HSPA2: variants seen among roughly 807,000 people sequenced by gnomAD.
The protein encoded by HSPA2 is heat shock protein family A (Hsp70) member 2.
In HSPA2, 13 loss-of-function variants were observed where a neutral mutation model predicts 35.0. The observed-to-expected ratio is 0.37, with a 90% confidence interval of 0.24 to 0.59. The LOEUF is 0.59. Among genes scored for constraint, HSPA2 ranks in the 20% least tolerant of loss-of-function variants. The pLI is 0.70. For missense variants in HSPA2, 565 were observed against 885.4 expected, an observed-to-expected ratio of 0.64 and a Z score of 4.59; for synonymous variants, 368 against 382.1, an observed-to-expected ratio of 0.96 and a Z score of 0.43.
In HSPA2 at chr14:64,540,879, C is replaced by T. The variant is rs1056295104; in HGVS notation, c.30C>T (p.Ile10=). The stretch of plus-strand genomic sequence containing the variant: ...CTGCCCGTGGCCCGGCTATCGGCAT[C>T]GACCTGGGCACCACCTATTCGTGCG... MSARGPAIG[I]DLGTTYSCVG... Residue 10 remains isoleucine, a synonymous_variant, in exon 1 of 1, where the codon ATC becomes ATT. Transcript: ENST00000247207. 3 of 1,614,146 alleles carry T rather than the reference C, an allele frequency of 1.9e-6. No individual in the cohort carries two copies. Among genetic ancestry groups the T allele is most frequent in the Non-Finnish European group, 2.5e-6 (3 of 1,180,042 alleles).
Position 64,542,671 on chromosome 14 carries a change from CCCA to C in HSPA2, c.1823_1825del (p.Pro608_Ile609delinsLeu). ...GAAAGAGCTCGAAAGAGTTTGCAAC[CCCA>C]TCATCAGCAAACTTTACCAAGGTGG... On this transcript the variant is annotated inframe_deletion, in exon 1 of 1. Coordinates refer to ENST00000247207, the MANE Select transcript of HSPA2 (RefSeq NM_021979.4). This position sits in a 1 kb window ranked among gnomAD's most constrained non-coding sequence, Gnocchi z 5.7. 1 of 1,613,932 alleles carries C rather than the reference CCCA, an allele frequency of 6.2e-7. No homozygotes were observed. Among genetic ancestry groups the C allele is most frequent in the Non-Finnish European group, 8.5e-7 (1 of 1,180,006 alleles).
rs17853551 is a variant in HSPA2 at position 64,542,439 on chromosome 14, G to T, written c.1590G>T (p.Ser530=). Residue 530 remains serine, a synonymous_variant, in exon 1 of 1, where the codon TCG becomes TCT. Transcript: ENST00000247207. The surrounding 1 kb of genome is among the most constrained non-coding windows in gnomAD (Gnocchi z 5.7). Reference sequence around the variant, plus strand: ...TGCAGGAGGCGGAGCGGTACAAATCGGAAGATGAGGCGAATCGCGACCGAG... The same window carrying T: ...TGCAGGAGGCGGAGCGGTACAAATCTGAAGATGAGGCGAATCGCGACCGAG... ...RMVQEAERYK[S]EDEANRDRVA... is the part of the protein sequence containing the mutation. 2 of 1,613,878 alleles carry T rather than the reference G, an allele frequency of 1.2e-6. No homozygotes were observed. Among genetic ancestry groups the T allele is most frequent in the Non-Finnish European group, 1.7e-6 (2 of 1,180,002 alleles).
chr14:64,536,513 C>A (rs914438513), upstream of HSPA2, among the ~76,000 whole-genome samples: 2 of 152,148 alleles, frequency 1.3e-5, no homozygotes, highest in African/African-American at 4.8e-5. Flanking sequence ...GTAATCCCAG[C>A]ACTTTGGGAG....
upstream of HSPA2, among the ~76,000 whole-genome samples, chr14:64,539,100 C>G (rs1201019500): frequency 6.6e-6 from 1 of 152,238 alleles, no homozygotes; most frequent in Non-Finnish European, 1.5e-5. Flanking sequence ...GCCTCCACAC[C>G]CGTCCAGGAG....
chr14:64,542,364 C>T lies in HSPA2; in HGVS notation c.1515C>T (p.Thr505=). 6.2e-7 allele frequency: 1 copy of T among 1,613,910 alleles called. No homozygotes were observed. Among genetic ancestry groups the T allele is most frequent in the Non-Finnish European group, 8.5e-7 (1 of 1,179,978 alleles). ...DKSTGKENKI[T]ITNDKGRLSK... ...GCACCGGTAAGGAAAACAAAATCAC[C>T]ATCACCAATGACAAAGGTCGTCTGA... is the stretch of plus-strand genomic sequence containing the variant. Residue 505 remains threonine, a synonymous_variant, in exon 1 of 1, where the codon ACC becomes ACT. Transcript: ENST00000247207. This position sits in a 1 kb window ranked among gnomAD's most constrained non-coding sequence, Gnocchi z 5.7.
chr14:64,537,775 T>C (rs1181423081), upstream of HSPA2, among the ~76,000 whole-genome samples: 3 of 139,522 alleles, frequency 2.2e-5, no homozygotes, highest in Admixed American at 2.4e-4. Flanking sequence ...TCGCCCAGGC[T>C]GGAGTGCAGT....
In HSPA2 at chr14:64,541,864, C is replaced by T. The variant is rs760762597; in HGVS notation, c.1015C>T (p.Leu339=). ...LDKGQIQEIV[L]VGGSTRIPKI... ...CAAGGGCCAGATCCAGGAGATCGTGCTGGTGGGCGGCTCCACTCGTATCCC... is the reference window on the plus strand; with the variant it reads ...CAAGGGCCAGATCCAGGAGATCGTGTTGGTGGGCGGCTCCACTCGTATCCC... Residue 339 remains leucine, a synonymous_variant, in exon 1 of 1, where the codon CTG becomes TTG. Coordinates refer to ENST00000247207, the MANE Select transcript of HSPA2 (RefSeq NM_021979.4). 3 of 1,613,632 alleles carry T rather than the reference C, an allele frequency of 1.9e-6. No homozygotes were observed. Among genetic ancestry groups the T allele is most frequent in the Non-Finnish European group, 2.5e-6 (3 of 1,180,042 alleles).
At position 64,542,038 on chromosome 14, in the gene HSPA2, C is replaced by A. The variant is rs1421782182; in HGVS notation, c.1189C>A (p.Leu397Ile). 6.2e-7 allele frequency: 1 copy of A among 1,613,668 alleles called. No individual in the cohort carries two copies. Among genetic ancestry groups the A allele is most frequent in the Non-Finnish European group, 8.5e-7 (1 of 1,180,016 alleles). Residue 397 changes from leucine to isoleucine, a missense_variant, in exon 1 of 1, where the codon CTC becomes ATC. Transcript: ENST00000247207. The surrounding 1 kb of genome is among the most constrained non-coding windows in gnomAD (Gnocchi z 5.7). ...KSENVQDLLL[L>I]DVTPLSLGIE... ...AGAGAATGTGCAGGACCTGCTGCTA[C>A]TCGACGTGACCCCGTTGTCGCTGGG...
upstream of HSPA2, chr14:64,535,960 C>G (rs2079978651): frequency 6.5e-6 from 1 of 153,296 alleles, no homozygotes; most frequent in South Asian, 1.9e-4. Context: ...TGAGGCCTCC[C>G]CAGCCATATG....
At chr14:64,537,210 G>A (rs528138335), upstream of HSPA2, among the ~76,000 whole-genome samples, 1 of 151,890 alleles carries the variant, frequency 6.6e-6, no homozygotes, top group Admixed American at 6.6e-5. Context: ...AATATGCATT[G>A]CTTCCAGCCC....
upstream of HSPA2, among the ~76,000 whole-genome samples, chr14:64,539,421 C>T (rs927523648): frequency 8.5e-5 from 13 of 152,052 alleles, no homozygotes; most frequent in Non-Finnish European, 1.9e-4. Context: ...GTTTTCCAGT[C>T]AAAAACTCAA....
At position 64,542,103 on chromosome 14, in the gene HSPA2, G is replaced by A. The variant is rs1203849049; in HGVS notation, c.1254G>A (p.Lys418=). ...GCGGTGTCATGACCCCACTCATCAA[G>A]AGGAACACCACGATCCCCACCAAGC... ...TAGGVMTPLI[K]RNTTIPTKQT... Residue 418 remains lysine, a synonymous_variant, in exon 1 of 1, where the codon AAG becomes AAA. Transcript: ENST00000247207. The surrounding 1 kb of genome is among the most constrained non-coding windows in gnomAD (Gnocchi z 5.7). 6.2e-7 allele frequency: 1 copy of A among 1,613,560 alleles called. No homozygotes were observed.
chr14:64,540,620 C>T, upstream of HSPA2: 3 of 642,304 alleles, frequency 4.7e-6, no homozygotes, highest in South Asian at 2.0e-5. Context: ...GGGCCAGTCA[C>T]TCCGACCTAG....
chr14:64,542,058 G>T lies in HSPA2; in HGVS notation c.1209G>T (p.Ser403=), dbSNP rs752280091. The part of the protein sequence containing the change: ...DLLLLDVTPL[S]LGIETAGGVM... ...TGCTACTCGACGTGACCCCGTTGTCGCTGGGCATCGAGACAGCTGGCGGTG... is the reference window on the plus strand; with the variant it reads ...TGCTACTCGACGTGACCCCGTTGTCTCTGGGCATCGAGACAGCTGGCGGTG... Residue 403 remains serine (S), a synonymous_variant, in exon 1 of 1, where the codon TCG becomes TCT. Transcript: ENST00000247207. The surrounding 1 kb of genome is among the most constrained non-coding windows in gnomAD (Gnocchi z 5.7). 1.9e-6 allele frequency: 3 copies of T among 1,613,548 alleles called. No individual in the cohort carries two copies. Among genetic ancestry groups the T allele is most frequent in the South Asian group, 2.2e-5 (2 of 91,090 alleles).
rs772430024 is a variant in HSPA2, at chr14:64,542,079, C to A, written c.1230C>A (p.Gly410=). The stretch of plus-strand genomic sequence containing the variant: ...TGTCGCTGGGCATCGAGACAGCTGG[C>A]GGTGTCATGACCCCACTCATCAAGA... The part of the protein sequence containing the change: ...TPLSLGIETA[G]GVMTPLIKRN... Residue 410 remains glycine (G), a synonymous_variant, in exon 1 of 1, where the codon GGC becomes GGA. Transcript: ENST00000247207. This position sits in a 1 kb window ranked among gnomAD's most constrained non-coding sequence, Gnocchi z 5.7. 1.2e-6 allele frequency: 2 copies of A among 1,613,590 alleles called. No individual in the cohort carries two copies.
At position 64,540,984 on chromosome 14, in the gene HSPA2, C is replaced by T; in HGVS notation, c.135C>T (p.Phe45=). ...GNRTTPSYVA[F]TDTERLIGDA... is the part of the protein sequence containing the mutation. The stretch of plus-strand genomic sequence containing the variant: ...GCACCACCCCCAGCTACGTGGCCTT[C>T]ACGGACACCGAGCGCCTCATCGGCG... Residue 45 remains phenylalanine, a synonymous_variant, in exon 1 of 1, where the codon TTC becomes TTT. Transcript: ENST00000247207. 1 of 1,614,212 alleles carries T rather than the reference C, an allele frequency of 6.2e-7. No individual in the cohort carries two copies. The highest frequency in any genetic ancestry group is 1.3e-5 in the African/African-American group (1 of 75,068).
chr14:64,542,221 C>T lies in HSPA2; in HGVS notation c.1372C>T (p.Leu458=), dbSNP rs2080039273. 6.2e-7 allele frequency: 1 copy of T among 1,613,914 alleles called. No homozygotes were observed. Among genetic ancestry groups the T allele is most frequent in the Non-Finnish European group, 8.5e-7 (1 of 1,179,968 alleles). ...GERAMTKDNN[L]LGKFDLTGIP... is the part of the protein sequence containing the mutation. ...ACGGGCCATGACCAAGGACAATAAC[C>T]TGCTGGGCAAGTTCGACCTGACCGG... The change falls in exon 1 of 1, where the codon CTG becomes TTG. Residue 458 remains leucine, a synonymous_variant. Transcript: ENST00000247207. The surrounding 1 kb of genome is among the most constrained non-coding windows in gnomAD (Gnocchi z 5.7).
rs2080045632 is a variant in HSPA2 at position 64,543,108 on chromosome 14, C to G, written c.*339C>G. On this transcript the variant is annotated 3_prime_UTR_variant, in exon 1 of 1. Coordinates refer to ENST00000247207, the MANE Select transcript of HSPA2 (RefSeq NM_021979.4). ...TTGGAAACAGTAAAATATATAGGAG[C>G]TTAAATTGTTTATTTTTATGTACTA... The G allele has an allele frequency of 3.0e-6, 1 of 335,102 alleles. No individual in the cohort carries two copies. Among genetic ancestry groups the G allele is most frequent in the Non-Finnish European group, 5.7e-6 (1 of 175,250 alleles). 20.8% of individuals were successfully genotyped at this position (335,102 alleles called of 1,614,324 possible). A position where few individuals can be genotyped will look rare whatever the true frequency, so the allele number is the denominator to read the frequency against.
rs965913186 is a variant in HSPA2, at chr14:64,541,212, C to T, written c.363C>T (p.Ser121=). 2 of 1,613,984 alleles carry T rather than the reference C, an allele frequency of 1.2e-6. No individual in the cohort carries two copies. Among genetic ancestry groups the T allele is most frequent in the African/African-American group, 1.3e-5 (1 of 74,918 alleles). ...AGACCTTCTTCCCAGAGGAGATATCCTCCATGGTCCTCACGAAGATGAAGG... is the reference window on the plus strand; with the variant it reads ...AGACCTTCTTCCCAGAGGAGATATCTTCCATGGTCCTCACGAAGATGAAGG... The part of the protein sequence containing the change: ...ETKTFFPEEI[S]SMVLTKMKEI... Residue 121 remains serine (S), a synonymous_variant, in exon 1 of 1, where the codon TCC becomes TCT. Coordinates refer to ENST00000247207, the MANE Select transcript of HSPA2 (RefSeq NM_021979.4).
Sources: allele counts gnomAD v4.1 joint callset (sites outside exome capture counted in the v4.1 genomes callset), GRCh38; gene constraint gnomAD v4.1.1; non-coding constraint Gnocchi (gnomAD v3.1); transcripts MANE v1.5; gene names NCBI Gene and HGNC (gene_info 2026-07-23, HGNC 2026-07-21).